BCOR: variants seen among roughly 807,000 people sequenced by gnomAD.
The protein encoded by BCOR is BCL6 corepressor.
Under a neutral mutation model 86.7 loss-of-function variants are expected in BCOR, and 10 were observed. That is an observed-to-expected ratio of 0.12 (90% CI 0.07 to 0.20). The LOEUF (loss-of-function observed/expected upper bound fraction) is 0.20, where lower values mean the gene tolerates loss of function less well. BCOR is among the 10% of genes least tolerant of loss of function. The pLI, the probability that BCOR is intolerant of heterozygous loss-of-function variation, is 1.00. For missense variants in BCOR, 1,259 were observed against 1,452.1 expected, an observed-to-expected ratio of 0.87 and a Z score of 2.16; for synonymous variants, 611 against 609.0, an observed-to-expected ratio of 1.00 and a Z score of -0.05.
At chrX:40,143,281 G>A (rs1337103943) in intron 1 of BCOR, among the ~76,000 whole-genome samples, 1 of 111,907 alleles carries the variant, frequency 8.9e-6, no homozygotes, top group Non-Finnish European at 1.9e-5. Flanking sequence ...CCTCCCTGCC[G>A]CCTTTCCCTC....
intron 1 of BCOR, among the ~76,000 whole-genome samples, chrX:40,154,079 G>A (rs1938230266): frequency 8.9e-6 from 1 of 111,824 alleles, no homozygotes; most frequent in Non-Finnish European, 1.9e-5. Context: ...GCGGGGGAGG[G>A]GCGCCACCGA....
At chrX:40,080,858 G>C (rs200414449) in intron 1 of BCOR, among the ~76,000 whole-genome samples, 1 of 87,943 alleles carries the variant, frequency 1.1e-5, no homozygotes. Context: ...GTGTGTGTGT[G>C]TGTGTGTTTT....
chrX:40,101,703 T>C (rs1241697763), upstream of BCOR, among the ~76,000 whole-genome samples: 1 of 112,485 alleles, frequency 8.9e-6, no homozygotes, highest in Non-Finnish European at 1.9e-5. Flanking sequence ...AGGCATCCTG[T>C]GTTTGGGGGG....
At chrX:40,061,399 C>A (rs1934860535) in intron 10 of BCOR, among the ~76,000 whole-genome samples, 1 of 111,285 alleles carries the variant, frequency 9.0e-6, no homozygotes, top group Non-Finnish European at 1.9e-5. Flanking sequence ...TCATGTAACG[C>A]CTCTGGGACT....
At chrX:40,160,023 C>T (rs1938379195) in intron 1 of BCOR, among the ~76,000 whole-genome samples, 1 of 112,390 alleles carries the variant, frequency 8.9e-6, no homozygotes, top group Non-Finnish European at 1.9e-5. Context: ...AGGCATTGTG[C>T]TCTAGTGCTA....
intron 8 of BCOR, among the ~76,000 whole-genome samples, chrX:40,063,314 C>T (rs745872075): frequency 2.7e-5 from 3 of 112,526 alleles, no homozygotes; most frequent in Non-Finnish European, 3.8e-5. Context: ...TCAAAGGGCC[C>T]GGAAGAGAGG....
At chrX:40,077,580 G>A in intron 2 of BCOR, 1 of 404,899 alleles carries the variant, frequency 2.5e-6, no homozygotes, top group East Asian at 4.2e-5. Flanking sequence ...TATAGACTGG[G>A]ATTAATTCTC....
intron 1 of BCOR, among the ~76,000 whole-genome samples, chrX:40,133,498 C>T (rs1387540175): frequency 1.9e-5 from 2 of 105,577 alleles, no homozygotes; most frequent in South Asian, 4.2e-4. Context: ...CTCGCTCTGT[C>T]GCCCAGGCTG....
chrX:40,127,276 G>A (rs1370745968), intron 1 of BCOR, among the ~76,000 whole-genome samples: 1 of 112,008 alleles, frequency 8.9e-6, no homozygotes, highest in Non-Finnish European at 1.9e-5. Flanking sequence ...CATACTTGAG[G>A]ATGTGAGGCC....
chrX:40,094,790 TC>T (rs1447645227), intron 1 of BCOR, among the ~76,000 whole-genome samples: 4 of 112,721 alleles, frequency 3.5e-5, no homozygotes, highest in African/African-American at 1.3e-4. Flanking sequence ...TACCGGCCCC[TC>T]CCCACTTCCC....
At chrX:40,082,149 C>T (rs1936134309) in intron 1 of BCOR, among the ~76,000 whole-genome samples, 2 of 112,050 alleles carry the variant, frequency 1.8e-5, no homozygotes, top group Admixed American at 9.4e-5. Context: ...CCTTGGCATC[C>T]CTGAGTAGGG....
intron 1 of BCOR, among the ~76,000 whole-genome samples, chrX:40,176,344 C>T (rs1358622934): frequency 8.9e-6 from 1 of 112,897 alleles, no homozygotes; most frequent in Non-Finnish European, 1.9e-5. Context: ...TCGCAGCCCT[C>T]CCCGGCCTCG....
At chrX:40,089,264 A>G (rs1380086682) in intron 1 of BCOR, among the ~76,000 whole-genome samples, 1 of 111,500 alleles carries the variant, frequency 9.0e-6, no homozygotes, top group East Asian at 2.8e-4. Context: ...AAATGAAAAA[A>G]CTTACTGGGG....
chrX:40,142,485 C>A (rs1937941982), intron 1 of BCOR, among the ~76,000 whole-genome samples: 1 of 112,151 alleles, frequency 8.9e-6, no homozygotes, highest in Non-Finnish European at 1.9e-5. Flanking sequence ...TTCTCCCCTG[C>A]TCCTCCACCA....
At position 40,062,923 on chromosome X, in the gene BCOR, C is replaced by T; in HGVS notation, c.3996G>A (p.Val1332=). 8.3e-7 allele frequency: 1 copy of T among 1,209,051 alleles called. No individual in the cohort carries two copies. ...QKIKENQKTD[V]LCADEEEDCQ... ...AATCCTCTTCTTCGTCTGCACACAG[C>T]ACATCTGTCTTCTGGTTTTCTTTAA... is the stretch of plus-strand genomic sequence containing the variant. The change falls in exon 9 of 15, where the codon GTG becomes GTA. Residue 1332 remains valine (V), a synonymous_variant. Coordinates refer to ENST00000378444, the MANE Select transcript of BCOR (RefSeq NM_001123385.2).
intron 1 of BCOR, among the ~76,000 whole-genome samples, chrX:40,139,274 G>A (rs1367775784): frequency 4.1e-5 from 4 of 97,008 alleles, no homozygotes; most frequent in Non-Finnish European, 8.3e-5. Flanking sequence ...TAAATATAAT[G>A]CTTTTGAAAA....
chrX:40,098,980 G>A (rs1362802883), upstream of BCOR, among the ~76,000 whole-genome samples: 1 of 112,828 alleles, frequency 8.9e-6, no homozygotes, highest in Non-Finnish European at 1.9e-5. Context: ...ACCTCTGATG[G>A]TTGGAGGGGC....
intron 5 of BCOR, 98 bp from the exon 6 acceptor site, chrX:40,071,257 A>G: frequency 1.1e-6 from 1 of 944,511 alleles, no homozygotes; most frequent in Non-Finnish European, 1.4e-6. Context: ...TTCAAAGAAA[A>G]GTGCCCAAAA....
At position 40,138,224 on chromosome X, in the gene BCOR, T is replaced by C. The variant is rs186418066; in HGVS notation, c.-41+38783A>G. Among the ~76,000 whole-genome samples, 463 of 112,254 alleles carry C rather than the reference T, an allele frequency of 4.1e-3. 2 individuals carry two copies. Among genetic ancestry groups the C allele is most frequent in the African/African-American group, 0.015 (449 of 30,857 alleles). ...GCCTTGGCCTCCCAAAGTGCTGGGATTACAGGCGTGAGTCACCACTCCCGG... is the reference window on the plus strand; with the variant it reads ...GCCTTGGCCTCCCAAAGTGCTGGGACTACAGGCGTGAGTCACCACTCCCGG... On this transcript the variant is annotated intron_variant, in intron 1 of 14. Coordinates refer to the BCOR transcript ENST00000342274.
Sources: gnomAD v4.1 joint callset for allele counts (sites outside exome capture counted in the v4.1 genomes callset) on GRCh38, gnomAD v4.1.1 for gene constraint, MANE v1.5 for transcripts, NCBI Gene and HGNC (gene_info 2026-07-23, HGNC 2026-07-21) for gene names.